Variants in IL1RAPL2 observed in about 807,000 individuals in gnomAD.
IL1RAPL2 encodes X-linked interleukin-1 receptor accessory protein-like 2.
Under a neutral mutation model 44.1 loss-of-function variants are expected in IL1RAPL2, and 3 were observed. The ratio of observed to expected loss-of-function variants is 0.07; its 90% CI spans 0.03 to 0.18. IL1RAPL2 has a LOEUF of 0.18. IL1RAPL2 is among the 10% of genes least tolerant of loss of function. IL1RAPL2 has a pLI of 1.00. For synonymous variants in IL1RAPL2, 181 were observed against 178.8 expected, an observed-to-expected ratio of 1.01 and a Z score of -0.10; for missense variants, 391 against 496.4, an observed-to-expected ratio of 0.79 and a Z score of 2.02.
chrX:104,665,714 C>T (rs1274905243), intron 2 of IL1RAPL2, among the ~76,000 whole-genome samples: 1 of 111,203 alleles, frequency 9.0e-6, no homozygotes, highest in East Asian at 2.8e-4. Context: ...ATTCTTGACA[C>T]TATATAACTA....
chrX:105,120,921 T>G (rs1323483319), intron 2 of IL1RAPL2, among the ~76,000 whole-genome samples: 1 of 111,286 alleles, frequency 9.0e-6, no homozygotes, highest in Non-Finnish European at 1.9e-5. Flanking sequence ...GTGTCCTTTT[T>G]TTTTTCCTCT....
intron 2 of IL1RAPL2, among the ~76,000 whole-genome samples, chrX:104,683,229 T>TAA (rs1418484411): frequency 1.8e-5 from 2 of 111,980 alleles, no homozygotes; most frequent in Admixed American, 9.5e-5. Context: ...CAGCCACATG[T>TAA]AAAGAATCCA....
intron 2 of IL1RAPL2, among the ~76,000 whole-genome samples, chrX:104,894,932 C>T (rs1923591129): frequency 8.9e-6 from 1 of 111,989 alleles, no homozygotes; most frequent in South Asian, 3.7e-4. Context: ...TACCTTTGGT[C>T]TTTGATGATG....
chrX:105,229,234 C>A (rs1404502065), intron 3 of IL1RAPL2, among the ~76,000 whole-genome samples: 2 of 111,920 alleles, frequency 1.8e-5, no homozygotes, highest in Non-Finnish European at 3.8e-5. Flanking sequence ...CTAAATAATG[C>A]AAGATTGTTA....
At chrX:104,683,965 T>C (rs1477931161) in intron 2 of IL1RAPL2, among the ~76,000 whole-genome samples, 1 of 111,851 alleles carries the variant, frequency 8.9e-6, no homozygotes, top group Non-Finnish European at 1.9e-5. Context: ...GATTGCCTGC[T>C]TATATACTAA....
intron 3 of IL1RAPL2, chrX:105,220,280 A>G (rs2033943182): frequency 8.3e-7 from 1 of 1,210,776 alleles, no homozygotes; most frequent in African/African-American, 1.7e-5. Context: ...CAGGATAAGG[A>G]TATATTCTCA....
chrX:104,959,392 G>C (rs941379491), intron 2 of IL1RAPL2, among the ~76,000 whole-genome samples: 2 of 111,549 alleles, frequency 1.8e-5, no homozygotes, highest in Non-Finnish European at 3.8e-5. Context: ...GGGACTTATA[G>C]TGGTCCCTTA....
intron 2 of IL1RAPL2, among the ~76,000 whole-genome samples, chrX:104,848,365 A>G (rs1602757122): frequency 9.8e-6 from 1 of 102,521 alleles, no homozygotes; most frequent in East Asian, 3.0e-4. Flanking sequence ...ACAAAAATTT[A>G]GCATATAAGT....
chrX:104,805,279 A>C (rs1932914362), intron 2 of IL1RAPL2, among the ~76,000 whole-genome samples: 1 of 111,952 alleles, frequency 8.9e-6, no homozygotes, highest in Admixed American at 9.5e-5. Flanking sequence ...TTTATATCCT[A>C]CTGCTCAAGG....
At chrX:105,511,715 G>T (rs1462830413) in intron 6 of IL1RAPL2, among the ~76,000 whole-genome samples, 2 of 111,627 alleles carry the variant, frequency 1.8e-5, no homozygotes, top group Non-Finnish European at 3.8e-5. Context: ...CTTTAACTTT[G>T]AGAATGACTG....
intron 2 of IL1RAPL2, among the ~76,000 whole-genome samples, chrX:104,967,008 A>G (rs2030137039): frequency 8.9e-6 from 1 of 112,493 alleles, no homozygotes; most frequent in African/African-American, 3.2e-5. Flanking sequence ...GTCTTGGCCC[A>G]TAGGCTGCAG....
chrX:104,871,623 G>A lies in IL1RAPL2; in HGVS notation c.82+212628G>A, dbSNP rs920550209. ...TTTTCATACCTTGTAGTAATGTAAT[G>A]TACCTAATTCTAAAATCCCCTGGGT... On this transcript the variant is annotated intron_variant, in intron 2 of 10. Transcript: ENST00000372582. 3.6e-5 allele frequency among the ~76,000 whole-genome samples: 4 copies of A among 110,483 alleles called. No individual in the cohort carries two copies. The Admixed American group carries it at 3.9e-4, about 11-fold the overall frequency.
chrX:105,461,572 C>T (rs752209311), intron 5 of IL1RAPL2, among the ~76,000 whole-genome samples: 2 of 111,301 alleles, frequency 1.8e-5, no homozygotes, highest in Admixed American at 1.9e-4. Flanking sequence ...CTTTTCTTCC[C>T]CGCCCAAAGG....
In IL1RAPL2 at chrX:105,236,997, C is replaced by T. The variant is rs781917520; in HGVS notation, c.543+2993C>T. On this transcript the variant is annotated intron_variant, in intron 4 of 10. Transcript: ENST00000372582. ...TCTCCTAATGCTATCCCTCCCCCAT[C>T]CCCCCACCGCACAGCAGGACCCAGT... 1.8e-4 allele frequency among the ~76,000 whole-genome samples: 20 copies of T among 110,817 alleles called. No homozygotes were observed. The East Asian group carries it at 4.9e-3, about 27-fold the overall frequency.
chrX:105,299,608 T>G (rs2147673690), intron 5 of IL1RAPL2, among the ~76,000 whole-genome samples: 1 of 111,428 alleles, frequency 9.0e-6, no homozygotes, highest in South Asian at 3.8e-4. Context: ...AACAAAAGCC[T>G]TAAAATTCTA....
At chrX:105,372,583 T>C (rs2035351071) in intron 5 of IL1RAPL2, among the ~76,000 whole-genome samples, 1 of 111,448 alleles carries the variant, frequency 9.0e-6, no homozygotes, top group South Asian at 3.8e-4. Context: ...CACCCAGGTA[T>C]TAAGCCTAAT....
chrX:105,041,778 A>G (rs2147759633), intron 2 of IL1RAPL2, among the ~76,000 whole-genome samples: 1 of 109,456 alleles, frequency 9.1e-6, no homozygotes, highest in South Asian at 4.0e-4. Flanking sequence ...AGTCAATCCT[A>G]AGCCAAAAGA....
chrX:105,087,777 C>CT (rs1166664408), intron 2 of IL1RAPL2, among the ~76,000 whole-genome samples: 1 of 111,887 alleles, frequency 8.9e-6, no homozygotes, highest in Non-Finnish European at 1.9e-5. Flanking sequence ...TCTCAGCTGT[C>CT]TAGAATTATG....
At chrX:105,106,297 A>G (rs1005127585) in intron 2 of IL1RAPL2, among the ~76,000 whole-genome samples, 1 of 111,317 alleles carries the variant, frequency 9.0e-6, no homozygotes, top group Non-Finnish European at 1.9e-5. Flanking sequence ...GAACATATTC[A>G]TGGTTAAGAG....
Sources: gnomAD v4.1 joint callset for allele counts (sites outside exome capture counted in the v4.1 genomes callset) on GRCh38, gnomAD v4.1.1 for gene constraint, MANE v1.5 for transcripts, NCBI Gene and HGNC (gene_info 2026-07-23, HGNC 2026-07-21) for gene names.